Variants in PAX5 observed in about 807,000 individuals in gnomAD.
PAX5 encodes paired box 5, also known as paired box protein Pax-5.
A neutral mutation model predicts 43.7 loss-of-function variants in PAX5; 9 were observed. That is an observed-to-expected ratio of 0.21 (90% confidence interval 0.12 to 0.36). The LOEUF (loss-of-function observed/expected upper bound fraction) is 0.36. Among genes scored for constraint, PAX5 ranks in the 10% least tolerant of loss-of-function variants. The pLI is 1.00. For synonymous variants in PAX5, 228 were observed against 214.3 expected (o/e 1.06, Z -0.56); for missense variants, 383 against 532.7 (o/e 0.72, Z 2.77).
intron 1 of PAX5, 142 bp from the exon 2 acceptor site, chr9:37,020,943 G>T: frequency 2.6e-6 from 2 of 759,024 alleles, no homozygotes; most frequent in African/African-American, 1.8e-5. Context: ...GTCCAATCGT[G>T]CAAACTACAC....
chr9:36,986,627 G>A (rs1344123203), intron 5 of PAX5, among the ~76,000 whole-genome samples: 1 of 152,022 alleles, frequency 6.6e-6, no homozygotes, highest in Non-Finnish European at 1.5e-5. Flanking sequence ...TCCGCCCCCG[G>A]CCCTGGGGAC....
At chr9:37,014,369 C>T (rs1287855173) in intron 3 of PAX5, among the ~76,000 whole-genome samples, 3 of 152,112 alleles carry the variant, frequency 2.0e-5, no homozygotes, top group African/African-American at 7.2e-5. Context: ...CTCCTTTGCT[C>T]CAGAGCATCT....
chr9:36,915,456 G>A (rs760657441), intron 7 of PAX5, among the ~76,000 whole-genome samples: 8 of 152,062 alleles, frequency 5.3e-5, no homozygotes, highest in African/African-American at 1.2e-4. Flanking sequence ...AGGTGAACAC[G>A]TTTTCATATA....
intron 1 of PAX5, 32 bp downstream of exon 1, chr9:37,033,954 T>C: frequency 6.2e-7 from 1 of 1,609,092 alleles, no homozygotes; most frequent in Non-Finnish European, 8.5e-7. Context: ...GTCCCGGAGT[T>C]TGCACATCTG....
chr9:36,854,055 A>G (rs1286862470), intron 8 of PAX5, among the ~76,000 whole-genome samples: 1 of 152,272 alleles, frequency 6.6e-6, no homozygotes, highest in East Asian at 1.9e-4. Context: ...TTTCAAAGTG[A>G]CTTCGCAGCC....
intron 7 of PAX5, among the ~76,000 whole-genome samples, chr9:36,900,865 T>C (rs1828325493): frequency 6.6e-6 from 1 of 151,746 alleles, no homozygotes; most frequent in Non-Finnish European, 1.5e-5. Context: ...TCAAACCAGC[T>C]CCTCTTCCAT....
chr9:36,895,919 G>A (rs1827821781), intron 7 of PAX5, among the ~76,000 whole-genome samples: 1 of 152,170 alleles, frequency 6.6e-6, no homozygotes, highest in Admixed American at 6.5e-5. Context: ...TTCAGGGCTG[G>A]GGGACCAAGT....
chr9:36,986,300 C>A (rs1236958616), intron 5 of PAX5, among the ~76,000 whole-genome samples: 4 of 148,178 alleles, frequency 2.7e-5, no homozygotes, highest in Non-Finnish European at 1.5e-5. Flanking sequence ...GAGCCACGCG[C>A]CAGCGCTGGG....
chr9:36,878,436 G>C (rs575408447), intron 8 of PAX5, among the ~76,000 whole-genome samples: 3 of 151,562 alleles, frequency 2.0e-5, no homozygotes, highest in Non-Finnish European at 2.9e-5. Flanking sequence ...TTCCCCCAGA[G>C]GGGGGGCCAT....
At chr9:37,012,313 G>A (rs3758176) in intron 3 of PAX5, among the ~76,000 whole-genome samples, 86,797 of 152,054 alleles carry the variant, frequency 0.57, 25,039 homozygotes, top group Middle Eastern at 0.77. Context: ...TCCTTTTACC[G>A]TTGGGAAACC....
chr9:36,963,501 T>C (rs1834144869), intron 6 of PAX5, among the ~76,000 whole-genome samples: 2 of 152,228 alleles, frequency 1.3e-5, no homozygotes, highest in Admixed American at 1.3e-4. Context: ...CTGCGGGCTC[T>C]GAGTCCACAG....
In PAX5 at chr9:37,006,462, G is replaced by A. The variant is rs775083239; in HGVS notation, c.475+11C>T. The A allele has an allele frequency of 1.2e-6, 2 of 1,606,352 alleles. No individual in the cohort carries two copies. The highest frequency in any genetic ancestry group is 1.7e-6 in the Non-Finnish European group (2 of 1,174,196). On this transcript the variant is annotated intron_variant, in intron 4 of 9. Coordinates refer to ENST00000358127, the MANE Select transcript of PAX5 (RefSeq NM_016734.3). ...TTAGATTTTTAAATTTTTTTTAAAA[G>A]TTCCTCTTACCTATGCTGTGACTGG...
At chr9:37,001,220 A>G (rs576106669) in intron 5 of PAX5, among the ~76,000 whole-genome samples, 2 of 152,214 alleles carry the variant, frequency 1.3e-5, no homozygotes, top group African/African-American at 4.8e-5. Context: ...CCAGGCCAGA[A>G]CCTGTCTGTT....
At chr9:36,856,941 G>A (rs796913361) in intron 8 of PAX5, among the ~76,000 whole-genome samples, 12 of 152,314 alleles carry the variant, frequency 7.9e-5, no homozygotes, top group African/African-American at 1.9e-4. Context: ...CTCTTTGAAC[G>A]TCTAGAATGT....
chr9:36,853,852 G>A (rs1426986907), intron 8 of PAX5, among the ~76,000 whole-genome samples: 1 of 152,252 alleles, frequency 6.6e-6, no homozygotes, highest in Non-Finnish European at 1.5e-5. Context: ...GAGATGGCAA[G>A]AAAGTCAAAG....
At chr9:36,957,072 C>T (rs577789419) in intron 6 of PAX5, among the ~76,000 whole-genome samples, 67 of 152,320 alleles carry the variant, frequency 4.4e-4, no homozygotes, top group Non-Finnish European at 7.6e-4. Flanking sequence ...GTCACTTATC[C>T]GACTGGTCAG....
chr9:36,881,951 C>G, intron 8 of PAX5, 53 bp downstream of exon 8: 4 of 1,354,522 alleles, frequency 3.0e-6, no homozygotes, highest in Non-Finnish European at 4.1e-6. Context: ...GATGTCCCCC[C>G]ACCGAAACCC....
intron 5 of PAX5, among the ~76,000 whole-genome samples, chr9:36,978,103 A>G (rs567696453): frequency 6.6e-6 from 1 of 152,208 alleles, no homozygotes; most frequent in Non-Finnish European, 1.5e-5. Context: ...GTATGAAGAG[A>G]TGGGATTTCT....
At chr9:37,024,692 C>T (rs1464099135) in intron 1 of PAX5, among the ~76,000 whole-genome samples, 3 of 152,164 alleles carry the variant, frequency 2.0e-5, no homozygotes, top group Non-Finnish European at 2.9e-5. Context: ...GCACTTCCCA[C>T]GGAGGGGGCG....
Sources: gnomAD v4.1 joint callset for allele counts (sites outside exome capture counted in the v4.1 genomes callset) on GRCh38, gnomAD v4.1.1 for gene constraint, MANE v1.5 for transcripts, NCBI Gene and HGNC (gene_info 2026-07-23, HGNC 2026-07-21) for gene names.